Variants in DACH1 observed in about 807,000 individuals in gnomAD.
DACH1 encodes the protein dachshund homolog 1.
A neutral mutation model predicts 54.2 loss-of-function variants in DACH1; 12 were observed. That is an observed-to-expected ratio of 0.22 (90% CI 0.14 to 0.36). DACH1 has a LOEUF of 0.36. DACH1 is among the 10% of genes least tolerant of loss of function. DACH1 has a pLI of 1.00. For missense variants in DACH1, 805 were observed against 929.8 expected, an observed-to-expected ratio of 0.87 and a Z score of 1.75; for synonymous variants, 386 against 366.2, an observed-to-expected ratio of 1.05 and a Z score of -0.62.
At chr13:71,527,075 G>A (rs1166176426) in intron 6 of DACH1, among the ~76,000 whole-genome samples, 1 of 151,730 alleles carries the variant, frequency 6.6e-6, no homozygotes, top group African/African-American at 2.4e-5. Flanking sequence ...AAATTTTCAT[G>A]TGTATTTAAC....
chr13:71,482,226 A>C (rs1383833544), intron 7 of DACH1, among the ~76,000 whole-genome samples: 1 of 151,966 alleles, frequency 6.6e-6, no homozygotes, highest in African/African-American at 2.4e-5. Flanking sequence ...CATTTTTTAG[A>C]GATTGAGTTT....
chr13:71,851,871 A>T (rs1050665204), intron 1 of DACH1, among the ~76,000 whole-genome samples: 4 of 152,116 alleles, frequency 2.6e-5, no homozygotes, highest in Non-Finnish European at 4.4e-5. Context: ...GACCCCAGAG[A>T]TTCTTAAAAT....
chr13:71,542,853 C>T (rs557250641), intron 6 of DACH1, among the ~76,000 whole-genome samples: 1 of 152,144 alleles, frequency 6.6e-6, no homozygotes, highest in East Asian at 1.9e-4. Context: ...CTATTTGATG[C>T]CAAAAGTAAT....
At chr13:71,635,628 A>G (rs1877428782) in intron 2 of DACH1, among the ~76,000 whole-genome samples, 1 of 152,162 alleles carries the variant, frequency 6.6e-6, no homozygotes, top group South Asian at 2.1e-4. Context: ...CTGGCAACCC[A>G]TAACATTTGC....
At chr13:71,462,905 CACACACACACATAA>C (rs772828012) in intron 10 of DACH1, among the ~76,000 whole-genome samples, 7 of 104,884 alleles carry the variant, frequency 6.7e-5, no homozygotes, top group Admixed American at 1.2e-4. Context: ...CACACACACA[CACACACACACATAA>C]ACCATGAATA....
At chr13:71,735,099 A>G (rs867565498) in intron 1 of DACH1, among the ~76,000 whole-genome samples, 3 of 150,946 alleles carry the variant, frequency 2.0e-5, no homozygotes, top group South Asian at 4.2e-4. Context: ...TTATACATAT[A>G]TGGGATACAC....
chr13:71,709,489 G>A (rs1218510013), intron 1 of DACH1, among the ~76,000 whole-genome samples: 1 of 151,778 alleles, frequency 6.6e-6, no homozygotes, highest in Non-Finnish European at 1.5e-5. Flanking sequence ...TACAGGCCAT[G>A]TATACCCACT....
intron 3 of DACH1, among the ~76,000 whole-genome samples, chr13:71,595,259 G>C (rs1874011882): frequency 6.6e-6 from 1 of 152,046 alleles, no homozygotes; most frequent in African/African-American, 2.4e-5. Flanking sequence ...GAAGGAAAGG[G>C]AATCAGAGTA....
intron 1 of DACH1, among the ~76,000 whole-genome samples, chr13:71,809,321 C>T (rs1887623461): frequency 6.6e-6 from 1 of 152,018 alleles, no homozygotes; most frequent in South Asian, 2.1e-4. Context: ...ACAGGCATTG[C>T]CACTCCACCT....
intron 1 of DACH1, among the ~76,000 whole-genome samples, chr13:71,856,504 C>A (rs1236102113): frequency 2.0e-5 from 3 of 151,912 alleles, no homozygotes; most frequent in Admixed American, 6.6e-5. Context: ...CTTACTTATA[C>A]TTTCTCCTAC....
Position 71,569,854 on chromosome 13 carries a change from T to C in DACH1, c.1299+2986A>G, listed in dbSNP as rs562315931. Among the ~76,000 whole-genome samples the C allele has an allele frequency of 5.8e-4, 88 of 152,262 alleles. 2 individuals are homozygous for C. In the South Asian group the frequency reaches 0.018, roughly 31 times the overall value. Reference sequence around the variant, plus strand: ...GTTCTATTTTCTGTTTAAAGACTATTTCTCCAGTTGCTTTATAATTCCGTC... The same window carrying C: ...GTTCTATTTTCTGTTTAAAGACTATCTCTCCAGTTGCTTTATAATTCCGTC... On this transcript the variant is annotated intron_variant, in intron 4 of 10. Coordinates refer to ENST00000613252, the MANE Select transcript of DACH1 (RefSeq NM_080759.6).
chr13:71,451,612 T>C (rs1403666533), intron 10 of DACH1, among the ~76,000 whole-genome samples: 1 of 152,136 alleles, frequency 6.6e-6, no homozygotes. Flanking sequence ...TGAGAAACAT[T>C]CTATTAAGAA....
chr13:71,747,223 A>G (rs920757834), intron 1 of DACH1, among the ~76,000 whole-genome samples: 6 of 152,054 alleles, frequency 3.9e-5, no homozygotes, highest in African/African-American at 1.5e-4. Context: ...AATGTAGTCC[A>G]CACACTGTAA....
chr13:71,713,370 T>C (rs568688878), intron 1 of DACH1, among the ~76,000 whole-genome samples: 3 of 152,268 alleles, frequency 2.0e-5, no homozygotes, highest in East Asian at 1.9e-4. Flanking sequence ...TAAACGTGCA[T>C]AAAACATGGA....
At chr13:71,580,384 TATAATCAC>T (rs1293936956) in intron 3 of DACH1, among the ~76,000 whole-genome samples, 16 of 152,206 alleles carry the variant, frequency 1.1e-4, no homozygotes, top group African/African-American at 3.6e-4. Context: ...CCTATGGATT[TATAATCAC>T]ATTAAATAAA....
intron 6 of DACH1, among the ~76,000 whole-genome samples, chr13:71,550,657 T>A (rs1203802986): frequency 1.3e-5 from 2 of 152,146 alleles, no homozygotes; most frequent in Non-Finnish European, 2.9e-5. Flanking sequence ...AAATAATTCA[T>A]AAAATAACAA....
chr13:71,520,338 G>A (rs954913605), intron 6 of DACH1, among the ~76,000 whole-genome samples: 19 of 151,514 alleles, frequency 1.3e-4, no homozygotes, highest in Non-Finnish European at 2.5e-4. Context: ...CAATCCACAG[G>A]ATTTTTGTAA....
intron 1 of DACH1, among the ~76,000 whole-genome samples, chr13:71,829,208 CATAAG>C (rs1888494695): frequency 6.6e-6 from 1 of 151,820 alleles, no homozygotes; most frequent in Non-Finnish European, 1.5e-5. Context: ...CTACAAATCA[CATAAG>C]ATAAATATGT....
chr13:71,686,342 T>C (rs981153470), intron 1 of DACH1, among the ~76,000 whole-genome samples: 5 of 152,140 alleles, frequency 3.3e-5, no homozygotes, highest in Admixed American at 6.6e-5. Context: ...CCTGCAGTTC[T>C]AAATAAAAAG....
Sources: allele counts gnomAD v4.1 joint callset (sites outside exome capture counted in the v4.1 genomes callset), GRCh38; gene constraint gnomAD v4.1.1; transcripts MANE v1.5; gene names NCBI Gene and HGNC (gene_info 2026-07-23, HGNC 2026-07-21).